MACROD2: variants seen among roughly 807,000 people sequenced by gnomAD.
MACROD2 encodes the protein ADP-ribose glycohydrolase MACROD2.
In MACROD2, 36 loss-of-function variants were observed where a neutral mutation model predicts 70.4. The ratio of observed to expected loss-of-function variants is 0.51; its 90% CI spans 0.39 to 0.68. The LOEUF is 0.68. MACROD2 is among the 30% of genes least tolerant of loss of function. MACROD2 has a pLI of 0.00. For missense variants in MACROD2, 496 were observed against 538.4 expected (o/e 0.92, Z 0.78); for synonymous variants, 172 against 178.8 (o/e 0.96, Z 0.30).
intron 6 of MACROD2, among the ~76,000 whole-genome samples, chr20:15,245,416 AACTAATTATG>A (rs1236568149): frequency 2.0e-5 from 3 of 152,200 alleles, no homozygotes; most frequent in Non-Finnish European, 4.4e-5. Flanking sequence ...AAATCTCAGG[AACTAATTATG>A]AGGCAAGGCA....
At chr20:15,876,111 A>ATATATATATATATGTG (rs1555789655) in intron 9 of MACROD2, among the ~76,000 whole-genome samples, 1 of 138,820 alleles carries the variant, frequency 7.2e-6, no homozygotes, top group African/African-American at 2.9e-5. Context: ...ATATATATAT[A>ATATATATATATATGTG]TGTGTGTATT....
chr20:15,139,680 AC>A (rs1442494645), intron 5 of MACROD2, among the ~76,000 whole-genome samples: 9 of 152,186 alleles, frequency 5.9e-5, no homozygotes, highest in Non-Finnish European at 1.3e-4. Context: ...AAAAACAATT[AC>A]CCTGAAATTA....
At chr20:14,833,999 T>C (rs1310030836) in intron 5 of MACROD2, among the ~76,000 whole-genome samples, 4 of 152,024 alleles carry the variant, frequency 2.6e-5, no homozygotes, top group Non-Finnish European at 4.4e-5. Context: ...AAAAATTAAA[T>C]TTTCTGAGAA....
intron 10 of MACROD2, chr20:15,894,130 A>G (rs1568622985): frequency 2.8e-6 from 1 of 362,956 alleles, no homozygotes; most frequent in Non-Finnish European, 5.4e-6. Context: ...CTTCTCTCCT[A>G]GCAGCAGGTC....
intron 3 of MACROD2, among the ~76,000 whole-genome samples, chr20:14,208,342 T>C (rs544455606): frequency 1.3e-5 from 2 of 152,316 alleles, no homozygotes; most frequent in African/African-American, 4.8e-5. Flanking sequence ...TGTTCATATA[T>C]GGGGCAAGGC....
In MACROD2 at chr20:15,536,892, G is replaced by A. The variant is rs560805746; in HGVS notation, c.645+37045G>A. 2.0e-5 allele frequency among the ~76,000 whole-genome samples: 3 copies of A among 152,166 alleles called. No homozygotes were observed. In the East Asian group the frequency reaches 5.8e-4, roughly 29 times the overall value. ...ATAATGCTTAAGTGGAGTTTTCTTT[G>A]TATAGTCAGCAAAGGATGGATAATC... On this transcript the variant is annotated intron_variant, in intron 8 of 17. Transcript: ENST00000684519.
At chr20:15,112,877 G>T (rs1252418258) in intron 5 of MACROD2, among the ~76,000 whole-genome samples, 1 of 151,912 alleles carries the variant, frequency 6.6e-6, no homozygotes, top group Non-Finnish European at 1.5e-5. Flanking sequence ...TCATATAAGT[G>T]GAATCATTAT....
At chr20:14,665,457 A>G (rs2070726869) in intron 4 of MACROD2, among the ~76,000 whole-genome samples, 1 of 152,068 alleles carries the variant, frequency 6.6e-6, no homozygotes, top group Non-Finnish European at 1.5e-5. Flanking sequence ...AGCATTCTTT[A>G]GTTATGGAAT....
rs201067623 is a variant in MACROD2, at chr20:14,823,776, TTTTG to T, written c.418+138840_418+138843del. On this transcript the variant is annotated intron_variant, in intron 5 of 17. Transcript: ENST00000684519. ...AATCCCAAATATATTTGGTGGCTTT[TTTTG>T]TTTGTTTGTTTGTTTGTTTGTTGTT... Among the ~76,000 whole-genome samples, 438 of 152,134 alleles carry T rather than the reference TTTTG, an allele frequency of 2.9e-3. 2 individuals carry two copies. Among genetic ancestry groups the T allele is most frequent in the East Asian group, 6.2e-3 (32 of 5,172 alleles).
At chr20:15,071,653 A>T (rs2075620032) in intron 5 of MACROD2, among the ~76,000 whole-genome samples, 1 of 152,180 alleles carries the variant, frequency 6.6e-6, no homozygotes, top group African/African-American at 2.4e-5. Flanking sequence ...TATTTATTTT[A>T]AACAAGTCTA....
chr20:14,765,001 A>G (rs2072067511), intron 5 of MACROD2, among the ~76,000 whole-genome samples: 1 of 152,100 alleles, frequency 6.6e-6, no homozygotes, highest in South Asian at 2.1e-4. Context: ...TGAACTGGAT[A>G]TCCAAGTGCT....
At chr20:15,650,954 C>T (rs948818890) in intron 8 of MACROD2, among the ~76,000 whole-genome samples, 1 of 152,212 alleles carries the variant, frequency 6.6e-6, no homozygotes, top group Non-Finnish European at 1.5e-5. Flanking sequence ...GCCTTTCTAT[C>T]TGCTCTTGGC....
rs560086169 is a variant in MACROD2 at position 15,159,132 on chromosome 20, A to G, written c.419-70808A>G. 3.3e-5 allele frequency among the ~76,000 whole-genome samples: 5 copies of G among 152,276 alleles called. No homozygotes were observed. In the South Asian group the frequency reaches 1.0e-3, roughly 32 times the overall value. ...GTAACATAATTTTATTACGTTTCAA[A>G]CCCTATTAATCATAGAATACAAAAA... On this transcript the variant is annotated intron_variant, in intron 5 of 17. Transcript: ENST00000684519.
intron 3 of MACROD2, among the ~76,000 whole-genome samples, chr20:14,126,235 T>A (rs11905096): frequency 6.6e-6 from 1 of 152,142 alleles, no homozygotes; most frequent in South Asian, 2.1e-4. Context: ...GGCTGCCCTC[T>A]TGCTATGGCA....
intron 5 of MACROD2, among the ~76,000 whole-genome samples, chr20:14,981,978 T>C (rs1005904705): frequency 1.2e-4 from 18 of 152,152 alleles, no homozygotes; most frequent in Non-Finnish European, 2.2e-4. Context: ...GTTTTGAACT[T>C]CCTAGAGACT....
chr20:14,882,383 G>A (rs1003149612), intron 5 of MACROD2, among the ~76,000 whole-genome samples: 1 of 151,982 alleles, frequency 6.6e-6, no homozygotes, highest in African/African-American at 2.4e-5. Context: ...GTCTTTACAT[G>A]TGTCATCTCT....
chr20:14,611,605 C>T (rs2123429359), intron 4 of MACROD2, among the ~76,000 whole-genome samples: 1 of 152,102 alleles, frequency 6.6e-6, no homozygotes, highest in South Asian at 2.1e-4. Context: ...ACCGAAGGGC[C>T]TGGCTCAGTG....
chr20:14,257,286 A>G (rs971247968), intron 3 of MACROD2, among the ~76,000 whole-genome samples: 3 of 150,920 alleles, frequency 2.0e-5, no homozygotes, highest in Admixed American at 6.6e-5. Flanking sequence ...ATAATATTAG[A>G]TATCATCTTC....
chr20:14,596,418 T>C (rs1982150111), intron 4 of MACROD2, among the ~76,000 whole-genome samples: 1 of 148,512 alleles, frequency 6.7e-6, no homozygotes, highest in African/African-American at 2.5e-5. Flanking sequence ...TAAACATATA[T>C]ATATATATAT....
Sources: allele counts gnomAD v4.1 joint callset (sites outside exome capture counted in the v4.1 genomes callset), GRCh38; gene constraint gnomAD v4.1.1; transcripts MANE v1.5; gene names NCBI Gene and HGNC (gene_info 2026-07-23, HGNC 2026-07-21).